Variants in SLC35B4 observed in about 807,000 individuals in gnomAD.
SLC35B4 encodes solute carrier family 35 member B4.
A neutral mutation model predicts 39.5 loss-of-function variants in SLC35B4; 28 were observed. That is an observed-to-expected ratio of 0.71 (90% CI 0.53 to 0.97). SLC35B4 has a LOEUF of 0.97. SLC35B4 is among the 50% of genes least tolerant of loss of function. The pLI, the probability that SLC35B4 is intolerant of heterozygous loss-of-function variation, is 0.00. For synonymous variants in SLC35B4, 145 were observed against 150.4 expected (o/e 0.96, Z 0.26); for missense variants, 334 against 414.3 (o/e 0.81, Z 1.68).
At chr7:134,309,537 TA>T in intron 1 of SLC35B4, 58 bp from the exon 2 acceptor site, 1 of 1,118,568 alleles carries the variant, frequency 8.9e-7, no homozygotes, top group Non-Finnish European at 1.3e-6. Context: ...TACAGAACAC[TA>T]AAATGCATTC....
intron 4 of SLC35B4, among the ~76,000 whole-genome samples, chr7:134,302,993 C>T (rs951738958): frequency 3.9e-5 from 6 of 152,180 alleles, no homozygotes; most frequent in Middle Eastern, 6.8e-3. Context: ...GCAAAGATCA[C>T]GCTGAAGAGG....
Position 134,293,179 on chromosome 7 carries a change from GCAAA to G in SLC35B4, c.*1650_*1653del, listed in dbSNP as rs918880779. 3 of 148,018 alleles carry G rather than the reference GCAAA, an allele frequency of 2.0e-5. No homozygotes were observed. The highest frequency in any genetic ancestry group is 3.0e-5 in the Non-Finnish European group (2 of 67,608). 9.2% of individuals were successfully genotyped at this position (148,018 alleles called of 1,614,324 possible). The stretch of plus-strand genomic sequence containing the variant: ...ACACACACACAGTCTTTGTCTATAG[GCAAA>G]CAGAGAAGTGGCCGGTGAGTTCAGC... On this transcript the variant is annotated 3_prime_UTR_variant, in exon 10 of 10. Transcript: ENST00000378509.
Position 134,310,900 on chromosome 7 carries a change from T to C in SLC35B4, c.78-1421A>G, listed in dbSNP as rs528270261. ...TTACCTGAAGCTGGTGAGAGGTATG[T>C]AATTGTATTATTACATATTAATATA... is the stretch of plus-strand genomic sequence containing the variant. On this transcript the variant is annotated intron_variant, in intron 1 of 9. Coordinates refer to ENST00000378509, the MANE Select transcript of SLC35B4 (RefSeq NM_032826.5). Among the ~76,000 whole-genome samples, 6 of 152,322 alleles carry C rather than the reference T, an allele frequency of 3.9e-5. No homozygotes were observed. In the South Asian group the frequency reaches 1.2e-3, roughly 32 times the overall value.
intron 1 of SLC35B4, among the ~76,000 whole-genome samples, chr7:134,310,831 G>A (rs1323179402): frequency 1.3e-5 from 2 of 152,162 alleles, no homozygotes; most frequent in Non-Finnish European, 1.5e-5. Context: ...ACAGGCGTGA[G>A]CCACCACACC....
intron 3 of SLC35B4, 64 bp downstream of exon 3, chr7:134,306,608 T>G: frequency 7.4e-7 from 1 of 1,356,464 alleles, no homozygotes; most frequent in Non-Finnish European, 1.0e-6. Flanking sequence ...CTGCCATATA[T>G]TCAATCGATC....
At chr7:134,306,806 G>A (rs1366147300) in intron 2 of SLC35B4, 32 bp from the exon 3 acceptor site, 1 of 1,533,724 alleles carries the variant, frequency 6.5e-7, no homozygotes, top group South Asian at 1.2e-5. Flanking sequence ...TCATCAAACA[G>A]AATCTAGGAT....
intron 5 of SLC35B4, 53 bp from the exon 6 acceptor site, chr7:134,301,874 G>T: frequency 6.4e-7 from 1 of 1,555,912 alleles, no homozygotes; most frequent in Non-Finnish European, 8.9e-7. Context: ...CGTGCAAGGT[G>T]CCGACATACA....
upstream of SLC35B4, among the ~76,000 whole-genome samples, chr7:134,317,565 A>G (rs968987232): frequency 1.3e-5 from 2 of 152,178 alleles, no homozygotes; most frequent in African/African-American, 4.8e-5. Context: ...GTGGTTCTCA[A>G]ACTTAGCTGC....
intron 6 of SLC35B4, among the ~76,000 whole-genome samples, chr7:134,300,897 T>C (rs749427247): frequency 2.7e-5 from 4 of 145,640 alleles, no homozygotes; most frequent in Non-Finnish European, 6.0e-5. Context: ...GCCAGTATGA[T>C]AGGCCAACAT....
chr7:134,316,558 C>T (rs1803983187), intron 1 of SLC35B4, 117 bp downstream of exon 1: 2 of 1,090,504 alleles, frequency 1.8e-6, no homozygotes, highest in South Asian at 3.0e-5. Context: ...CGTCCTGCCC[C>T]GGGCTCCGTG....
chr7:134,316,952 T>C (rs2117330667), upstream of SLC35B4: 1 of 582,466 alleles, frequency 1.7e-6, no homozygotes, highest in Non-Finnish European at 3.0e-6. Flanking sequence ...CGCAGTCAGC[T>C]TCGGTCCCAT....
intron 2 of SLC35B4, among the ~76,000 whole-genome samples, chr7:134,307,315 C>T (rs2598295): frequency 0.015 from 2,112 of 142,994 alleles, 53 homozygotes; most frequent in African/African-American, 0.052. Context: ...GTTTATAGGT[C>T]TTAAAATAAT....
rs1280583473 is a variant in SLC35B4 at position 134,295,126 on chromosome 7, G to C, written c.750-47C>G. ...AGTTTTCTGTAGACTGTACTTGGGG[G>C]ATCAGTGAGAGAACCTTCTGGCATG... On this transcript the variant is annotated intron_variant, in intron 9 of 9. Transcript: ENST00000378509. The C allele has an allele frequency of 1.9e-6, 3 of 1,595,162 alleles. No homozygotes were observed. The African/African-American group carries it at 4.0e-5, about 21-fold the overall frequency.
At chr7:134,314,912 A>AT (rs201215420) in intron 1 of SLC35B4, among the ~76,000 whole-genome samples, 3,385 of 151,566 alleles carry the variant, frequency 0.022, 154 homozygotes, top group African/African-American at 0.078. Context: ...GTTGGATACA[A>AT]TTTTTTTTTC....
At chr7:134,296,559 G>C in intron 8 of SLC35B4, 93 bp from the exon 9 acceptor site, 1 of 831,600 alleles carries the variant, frequency 1.2e-6, no homozygotes, top group Non-Finnish European at 2.0e-6. Context: ...AACATAATAG[G>C]AACAGCAACA....
At chr7:134,300,010 C>T (rs1004424954) in intron 7 of SLC35B4, 142 bp downstream of exon 7, 24 of 601,794 alleles carry the variant, frequency 4.0e-5, no homozygotes, top group Non-Finnish European at 6.0e-5. Context: ...AGCATCCCAT[C>T]AAAACTGCTT....
rs1236983033 is a variant in SLC35B4 at position 134,292,632 on chromosome 7, C to T, written c.*2201G>A. ...CTGCATCCTATTAAGAGTTCAGAGACTCCAGATCCATAGCAATGAAGTCGC... is the reference window on the plus strand; with the variant it reads ...CTGCATCCTATTAAGAGTTCAGAGATTCCAGATCCATAGCAATGAAGTCGC... On this transcript the variant is annotated 3_prime_UTR_variant, in exon 10 of 10. Transcript: ENST00000378509. 2 of 152,174 alleles carry T rather than the reference C, an allele frequency of 1.3e-5. No individual in the cohort carries two copies. The highest frequency in any genetic ancestry group is 2.4e-5 in the African/African-American group (1 of 41,438). 9.4% of individuals were successfully genotyped at this position (152,174 alleles called of 1,614,324 possible).
At chr7:134,318,950 T>C (rs1001265041), upstream of SLC35B4, among the ~76,000 whole-genome samples, 3 of 152,228 alleles carry the variant, frequency 2.0e-5, no homozygotes, top group African/African-American at 4.8e-5. Context: ...GCCTGCAGCA[T>C]GGCCTGAGAT....
intron 8 of SLC35B4, 77 bp downstream of exon 8, chr7:134,299,446 G>A (rs548581760): frequency 1.5e-5 from 17 of 1,165,180 alleles, no homozygotes; most frequent in South Asian, 2.7e-5. Flanking sequence ...GAAAAAGGCC[G>A]AGGTCAAGTC....
Sources: allele counts gnomAD v4.1 joint callset (sites outside exome capture counted in the v4.1 genomes callset), GRCh38; gene constraint gnomAD v4.1.1; transcripts MANE v1.5; gene names NCBI Gene and HGNC (gene_info 2026-07-23, HGNC 2026-07-21).